The following CCSER1 variants were observed in gnomAD, a reference collection of about 807,000 sequenced individuals.
The protein encoded by CCSER1 is serine-rich coiled-coil domain-containing protein 1.
CCSER1 carries 41 observed loss-of-function variants against 82.0 expected under a neutral mutation model. That is an observed-to-expected ratio of 0.50 (90% confidence interval 0.39 to 0.65). The LOEUF (loss-of-function observed/expected upper bound fraction) is 0.65, where lower values mean the gene tolerates loss of function less well. CCSER1 is among the 30% of genes least tolerant of loss of function. The pLI, the probability that CCSER1 is intolerant of heterozygous loss-of-function variation, is 0.00. For missense variants in CCSER1, 1,119 were observed against 1,064.2 expected (o/e 1.05, Z -0.72); for synonymous variants, 414 against 383.9 (o/e 1.08, Z -0.92).
At chr4:90,271,964 G>A (rs1220873671) in intron 1 of CCSER1, among the ~76,000 whole-genome samples, 5 of 146,336 alleles carry the variant, frequency 3.4e-5, no homozygotes, top group Admixed American at 6.9e-5. Flanking sequence ...ATGGCAGAAC[G>A]GAAGCAGGCA....
chr4:91,567,146 G>T (rs1762929727), intron 10 of CCSER1, among the ~76,000 whole-genome samples: 1 of 152,128 alleles, frequency 6.6e-6, no homozygotes, highest in Admixed American at 6.6e-5. Context: ...TTACCCAAAA[G>T]TCATTCAGGA....
intron 10 of CCSER1, among the ~76,000 whole-genome samples, chr4:91,233,055 T>C (rs1410069804): frequency 2.0e-5 from 3 of 151,822 alleles, no homozygotes; most frequent in Non-Finnish European, 4.4e-5. Context: ...GATCATTTAC[T>C]GGTTACTTTA....
At chr4:91,327,286 C>T (rs1205919062) in intron 10 of CCSER1, among the ~76,000 whole-genome samples, 1 of 152,244 alleles carries the variant, frequency 6.6e-6, no homozygotes, top group Admixed American at 6.5e-5. Context: ...GGCTCCCACT[C>T]CTCAACTCTT....
intron 1 of CCSER1, among the ~76,000 whole-genome samples, chr4:90,203,039 A>G (rs1738066153): frequency 6.6e-6 from 1 of 152,238 alleles, no homozygotes; most frequent in Admixed American, 6.5e-5. Flanking sequence ...TTAAAAAAGT[A>G]TAATTACTTA....
chr4:90,946,054 A>G (rs963758343), intron 9 of CCSER1, among the ~76,000 whole-genome samples: 1 of 152,126 alleles, frequency 6.6e-6, no homozygotes, highest in Non-Finnish European at 1.5e-5. Context: ...TTGGTATGCC[A>G]CTTTTCAAAA....
chr4:91,365,692 G>A (rs1215814185), intron 10 of CCSER1, among the ~76,000 whole-genome samples: 1 of 152,034 alleles, frequency 6.6e-6, no homozygotes, highest in Non-Finnish European at 1.5e-5. Flanking sequence ...AAAACATTTA[G>A]GGAGTCAATA....
chr4:90,359,841 A>ATATATATGTGTG (rs1231443353), intron 3 of CCSER1, among the ~76,000 whole-genome samples: 1 of 150,340 alleles, frequency 6.7e-6, no homozygotes, highest in Non-Finnish European at 1.5e-5. Context: ...ATATATGTGT[A>ATATATATGTGTG]TATATATGTG....
intron 9 of CCSER1, among the ~76,000 whole-genome samples, chr4:90,966,114 C>T (rs1734535553): frequency 6.6e-6 from 1 of 151,758 alleles, no homozygotes; most frequent in Non-Finnish European, 1.5e-5. Flanking sequence ...GACTCAGAAA[C>T]CTGTAAAAAC....
intron 10 of CCSER1, among the ~76,000 whole-genome samples, chr4:91,173,585 C>G (rs1460654227): frequency 8.8e-6 from 1 of 113,498 alleles, no homozygotes. Flanking sequence ...CAGAGTGAGA[C>G]TCCGTCTCAA....
At chr4:90,257,227 A>G (rs906719959) in intron 1 of CCSER1, among the ~76,000 whole-genome samples, 5 of 152,120 alleles carry the variant, frequency 3.3e-5, no homozygotes, top group Admixed American at 1.3e-4. Flanking sequence ...ATATATATAT[A>G]TAGGTATATG....
intron 10 of CCSER1, among the ~76,000 whole-genome samples, chr4:91,171,634 T>G (rs1732767083): frequency 6.6e-6 from 1 of 152,160 alleles, no homozygotes; most frequent in Admixed American, 6.5e-5. Flanking sequence ...ATAATTTGAT[T>G]CCATTGAGCT....
chr4:90,536,031 G>GTTTT lies in CCSER1; in HGVS notation c.1724+67693_1724+67696dup, dbSNP rs781671347. Among the ~76,000 whole-genome samples the GTTTT allele has an allele frequency of 7.6e-4, 89 of 117,176 alleles. 1 individual carries two copies. The highest frequency in any genetic ancestry group is 2.6e-3 in the African/African-American group (80 of 30,344). 76.9% of individuals were successfully genotyped at this position (117,176 alleles called of 152,430 possible). On this transcript the variant is annotated intron_variant, in intron 5 of 10. Transcript: ENST00000509176. ...CTAATATTTCTTTTTCTTTCTTTCT[G>GTTTT]TTTTTTTTTTTTTTTTTTTGAGACG... is the stretch of plus-strand genomic sequence containing the variant.
chr4:90,213,309 G>A (rs182289533), intron 1 of CCSER1, among the ~76,000 whole-genome samples: 125 of 152,302 alleles, frequency 8.2e-4, no homozygotes, highest in African/African-American at 2.8e-3. Flanking sequence ...CTGAGATGGG[G>A]AAGGAGATTG....
chr4:91,029,689 G>C (rs566136427), intron 9 of CCSER1, among the ~76,000 whole-genome samples: 1 of 152,090 alleles, frequency 6.6e-6, no homozygotes, highest in Admixed American at 6.6e-5. Flanking sequence ...TTCTTAAGTA[G>C]GTTACCTAAT....
intron 9 of CCSER1, among the ~76,000 whole-genome samples, chr4:90,932,712 C>T (rs1355254866): frequency 6.7e-6 from 1 of 148,884 alleles, no homozygotes; most frequent in Admixed American, 6.8e-5. Flanking sequence ...ACTGTAATTC[C>T]AGCTACTCAA....
intron 10 of CCSER1, among the ~76,000 whole-genome samples, chr4:91,448,929 C>T (rs1755723269): frequency 6.6e-6 from 1 of 151,812 alleles, no homozygotes; most frequent in Non-Finnish European, 1.5e-5. Flanking sequence ...AGTTTTGAAA[C>T]AAATAAGAGG....
chr4:90,658,200 A>C (rs1335130364), intron 6 of CCSER1, among the ~76,000 whole-genome samples: 1 of 152,112 alleles, frequency 6.6e-6, no homozygotes, highest in Non-Finnish European at 1.5e-5. Context: ...TTATGTATTT[A>C]TTTGATTCCA....
intron 4 of CCSER1, among the ~76,000 whole-genome samples, chr4:90,427,419 TC>T (rs1757675402): frequency 6.6e-6 from 1 of 151,404 alleles, no homozygotes; most frequent in Non-Finnish European, 1.5e-5. Context: ...TTTGAAGGAA[TC>T]TTTTGTTTAT....
chr4:90,915,001 T>G (rs566182254), intron 8 of CCSER1, among the ~76,000 whole-genome samples: 82 of 152,136 alleles, frequency 5.4e-4, no homozygotes, highest in African/African-American at 2.0e-3. Flanking sequence ...AATAACAGGC[T>G]CTGAAATTGA....
Sources: allele counts gnomAD v4.1 joint callset (sites outside exome capture counted in the v4.1 genomes callset), GRCh38; gene constraint gnomAD v4.1.1; transcripts MANE v1.5; gene names NCBI Gene and HGNC (gene_info 2026-07-23, HGNC 2026-07-21).